The following PLXNA4 variants were observed in gnomAD, a reference collection of about 807,000 sequenced individuals.
The protein encoded by PLXNA4 is plexin A4.
A neutral mutation model predicts 191.8 loss-of-function variants in PLXNA4; 44 were observed. That is an observed-to-expected ratio of 0.23 (90% CI 0.18 to 0.29). The LOEUF (loss-of-function observed/expected upper bound fraction) is 0.29, where lower values mean the gene tolerates loss of function less well. PLXNA4 is among the 10% of genes least tolerant of loss of function. PLXNA4 has a pLI of 1.00. For synonymous variants in PLXNA4, 1,082 were observed against 1,009.5 expected, an observed-to-expected ratio of 1.07 and a Z score of -1.36; for missense variants, 1,800 against 2,488.8, an observed-to-expected ratio of 0.72 and a Z score of 5.89.
intron 9 of PLXNA4, among the ~76,000 whole-genome samples, chr7:132,218,394 A>C (rs2116933964): frequency 6.6e-6 from 1 of 152,274 alleles, no homozygotes; most frequent in Non-Finnish European, 1.5e-5. Context: ...CTCCTTGGTG[A>C]GCTTGCACAC....
At chr7:132,492,006 A>C (rs1797828491) in intron 2 of PLXNA4, among the ~76,000 whole-genome samples, 1 of 152,150 alleles carries the variant, frequency 6.6e-6, no homozygotes, top group African/African-American at 2.4e-5. Context: ...TGGCCCTTGA[A>C]TGTTCCTGCT....
At chr7:132,290,720 G>A (rs1800853007) in intron 4 of PLXNA4, among the ~76,000 whole-genome samples, 1 of 152,122 alleles carries the variant, frequency 6.6e-6, no homozygotes, top group Non-Finnish European at 1.5e-5. Flanking sequence ...AAAGAAAAGA[G>A]ACAGAGAGAA....
intron 3 of PLXNA4, among the ~76,000 whole-genome samples, chr7:132,352,611 A>G (rs770132705): frequency 6.6e-6 from 1 of 152,164 alleles, no homozygotes; most frequent in Non-Finnish European, 1.5e-5. Context: ...TACAGGAGGG[A>G]TATGGGAAAA....
intron 9 of PLXNA4, 46 bp downstream of exon 9, chr7:132,223,481 T>G (rs1798210543): frequency 1.3e-6 from 2 of 1,499,392 alleles, no homozygotes; most frequent in African/African-American, 1.4e-5. Context: ...CTGTGTCCCA[T>G]GCTCACAACA....
intron 1 of PLXNA4, among the ~76,000 whole-genome samples, chr7:132,571,499 A>G (rs1321261536): frequency 6.6e-6 from 1 of 152,096 alleles, no homozygotes; most frequent in East Asian, 1.9e-4. Flanking sequence ...TGAAGTCAGA[A>G]ACTCTAGGAG....
intron 3 of PLXNA4, among the ~76,000 whole-genome samples, chr7:132,367,192 A>G (rs79674211): frequency 2.8e-3 from 424 of 152,334 alleles, no homozygotes; most frequent in African/African-American, 9.2e-3. Context: ...CATTAACTAC[A>G]TTGGCTATGT....
At chr7:132,294,307 A>C (rs1229048345) in intron 4 of PLXNA4, among the ~76,000 whole-genome samples, 2 of 152,196 alleles carry the variant, frequency 1.3e-5, no homozygotes, top group African/African-American at 2.4e-5. Flanking sequence ...CACAGAGGAC[A>C]TTTCTGTGTC....
rs186086913 is a variant in PLXNA4 at position 132,441,524 on chromosome 7, G to A, written c.1371+47768C>T. Among the ~76,000 whole-genome samples the A allele has an allele frequency of 1.4e-3, 218 of 152,248 alleles. 1 individual carries two copies. Among genetic ancestry groups the A allele is most frequent in the African/African-American group, 5.0e-3 (206 of 41,552 alleles). ...TGTTCCCTAGCTAGGAGCACGTTGC[G>A]CTCCGAAGCACAGGACATTGCCCAC... On this transcript the variant is annotated intron_variant, in intron 3 of 31. Transcript: ENST00000321063.
At chr7:132,550,554 T>A (rs6953913) in intron 1 of PLXNA4, among the ~76,000 whole-genome samples, 71,315 of 152,030 alleles carry the variant, frequency 0.47, 16,915 homozygotes, top group Admixed American at 0.5. Flanking sequence ...TGAGCACAGC[T>A]CAGCTAATTT....
intron 4 of PLXNA4, among the ~76,000 whole-genome samples, chr7:132,286,336 G>C (rs1350750743): frequency 6.6e-6 from 1 of 152,190 alleles, no homozygotes; most frequent in East Asian, 1.9e-4. Flanking sequence ...CCACCCTGTG[G>C]AGTCTCCTCA....
intron 3 of PLXNA4, among the ~76,000 whole-genome samples, chr7:132,433,316 C>T (rs940114128): frequency 3.3e-5 from 5 of 152,154 alleles, no homozygotes; most frequent in African/African-American, 7.2e-5. Context: ...CAAAAACATG[C>T]TTTGGGGGTC....
At chr7:132,585,663 G>A (rs756467290) in intron 2 of PLXNA4, among the ~76,000 whole-genome samples, 1 of 152,194 alleles carries the variant, frequency 6.6e-6, no homozygotes, top group Non-Finnish European at 1.5e-5. Flanking sequence ...CTGGAGGTTG[G>A]AAGTCTGAGA....
At chr7:132,535,751 C>A (rs1799805399) in intron 1 of PLXNA4, among the ~76,000 whole-genome samples, 2 of 146,248 alleles carry the variant, frequency 1.4e-5, no homozygotes, top group African/African-American at 2.5e-5. Flanking sequence ...CAGGCAGGAT[C>A]TTTTCCCGAT....
chr7:132,273,711 C>T (rs1410142687), intron 4 of PLXNA4, among the ~76,000 whole-genome samples: 2 of 152,060 alleles, frequency 1.3e-5, no homozygotes, highest in Admixed American at 6.6e-5. Flanking sequence ...CAGCTTGTTT[C>T]CCCCCATTTA....
intron 24 of PLXNA4, among the ~76,000 whole-genome samples, chr7:132,160,167 C>A (rs1795906583): frequency 6.6e-6 from 1 of 152,174 alleles, no homozygotes; most frequent in Non-Finnish European, 1.5e-5. Context: ...AAATATTTCA[C>A]AAGCTTCAAT....
intron 30 of PLXNA4, 86 bp downstream of exon 30, chr7:132,140,513 G>T: frequency 6.5e-7 from 1 of 1,536,042 alleles, no homozygotes. Context: ...AACACAGCTG[G>T]TTTTTGATGG....
At chr7:132,416,311 C>A (rs1205078695) in intron 3 of PLXNA4, among the ~76,000 whole-genome samples, 1 of 152,172 alleles carries the variant, frequency 6.6e-6, no homozygotes, top group Non-Finnish European at 1.5e-5. Context: ...TGACATGGAT[C>A]AATTGGTTGC....
At chr7:132,629,041 T>C (rs1803440556) in intron 2 of PLXNA4, among the ~76,000 whole-genome samples, 1 of 152,246 alleles carries the variant, frequency 6.6e-6, no homozygotes, top group Non-Finnish European at 1.5e-5. Flanking sequence ...TTTCTGCTAG[T>C]TGATCTCACT....
intron 21 of PLXNA4, among the ~76,000 whole-genome samples, chr7:132,173,523 A>G (rs952899257): frequency 6.6e-6 from 1 of 152,194 alleles, no homozygotes; most frequent in Admixed American, 6.5e-5. Context: ...CTCCAGATAG[A>G]AAAGCCCATG....
Sources: allele counts gnomAD v4.1 joint callset (sites outside exome capture counted in the v4.1 genomes callset), GRCh38; gene constraint gnomAD v4.1.1; transcripts MANE v1.5; gene names NCBI Gene and HGNC (gene_info 2026-07-23, HGNC 2026-07-21).